Variants in SNX15 observed in about 807,000 individuals in gnomAD.
SNX15 encodes the protein sorting nexin-15.
A neutral mutation model predicts 35.2 loss-of-function variants in SNX15; 29 were observed. The observed-to-expected ratio is 0.82, with a 90% confidence interval of 0.61 to 1.12. The LOEUF (loss-of-function observed/expected upper bound fraction) is 1.12, where lower values mean the gene tolerates loss of function less well. Ranked by LOEUF, SNX15 falls within the 50% of genes most tolerant of loss-of-function variation. The pLI is 0.00. For synonymous variants in SNX15, 189 were observed against 188.2 expected, an observed-to-expected ratio of 1.00 and a Z score of -0.03; for missense variants, 400 against 451.5, an observed-to-expected ratio of 0.89 and a Z score of 1.03.
chr11:65,040,088 A>C lies in SNX15; in HGVS notation c.*296A>C, dbSNP rs1590745125. On this transcript the variant is annotated 3_prime_UTR_variant, in exon 8 of 8. Transcript: ENST00000377244. Reference sequence around the variant, plus strand: ...GGGATCGCGGCTCACTGCAACCTCCACCTCCCAGGTTCAAGCAGTTCTCCT... The same window carrying C: ...GGGATCGCGGCTCACTGCAACCTCCCCCTCCCAGGTTCAAGCAGTTCTCCT... 1.9e-5 allele frequency: 5 copies of C among 266,612 alleles called. No individual in the cohort carries two copies. The highest frequency in any genetic ancestry group is 6.8e-5 in the South Asian group (1 of 14,772). 16.5% of individuals were successfully genotyped at this position (266,612 alleles called of 1,614,324 possible).
intron 6 of SNX15, 157 bp from the exon 7 acceptor site, chr11:65,038,414 GT>G: frequency 1.7e-6 from 2 of 1,184,340 alleles, no homozygotes; most frequent in South Asian, 2.4e-5. Flanking sequence ...CTCATGGCTA[GT>G]TTTTGATCCA....
At chr11:65,032,721 A>G (rs570767590) in intron 3 of SNX15, among the ~76,000 whole-genome samples, 170 bp downstream of exon 3, 6 of 152,320 alleles carry the variant, frequency 3.9e-5, no homozygotes, top group African/African-American at 1.4e-4. Flanking sequence ...TGAGGCTCAG[A>G]GTAGCCTAAC....
intron 1 of SNX15, among the ~76,000 whole-genome samples, chr11:65,029,294 C>A (rs1203240165): frequency 1.3e-5 from 2 of 150,838 alleles, no homozygotes; most frequent in Non-Finnish European, 3.0e-5. Flanking sequence ...GTAGCTGGGA[C>A]TACAGGCACG....
chr11:65,038,658 C>T lies in SNX15; in HGVS notation c.751C>T (p.Pro251Ser), dbSNP rs1481015794. The T allele has an allele frequency of 2.5e-6, 4 of 1,612,552 alleles. No homozygotes were observed. Among genetic ancestry groups the T allele is most frequent in the Admixed American group, 1.7e-5 (1 of 59,802 alleles). ...AAGGCTGGACCAGGAACCCTGGGAG[C>T]CAGGAGGGCAGGAGGAGGAAGAGGA... The part of the protein sequence containing the change: ...SARLDQEPWE[P>S]GGQEEEEDGE... Residue 251 changes from proline (P) to serine (S), a missense_variant, in exon 7 of 8, where the codon CCA becomes TCA. Coordinates refer to ENST00000377244, the MANE Select transcript of SNX15 (RefSeq NM_013306.5).
At position 65,035,041 on chromosome 11, in the gene SNX15, G is replaced by T. The variant is rs1364731517; in HGVS notation, c.373-18G>T. 4 of 1,613,618 alleles carry T rather than the reference G, an allele frequency of 2.5e-6. No homozygotes were observed. Among genetic ancestry groups the T allele is most frequent in the African/African-American group, 1.3e-5 (1 of 74,908 alleles). On this transcript the variant is annotated intron_variant, in intron 4 of 7. Coordinates refer to ENST00000377244, the MANE Select transcript of SNX15 (RefSeq NM_013306.5). ...TTGCACCCCATGACTCCCCATGTCT[G>T]ATCTTTCTGTCCTGCAGGGTGGGGA...
chr11:65,027,525 C>G lies in SNX15; in HGVS notation c.-13C>G, dbSNP rs780883862. 4 of 1,612,252 alleles carry G rather than the reference C, an allele frequency of 2.5e-6. No individual in the cohort carries two copies. The highest frequency in any genetic ancestry group is 3.4e-6 in the Non-Finnish European group (4 of 1,178,732). On this transcript the variant is annotated 5_prime_UTR_variant, in exon 1 of 8. Transcript: ENST00000377244. ...GTGGAGGCCGGCGCTCCGCTCCGCT[C>G]CAGCTCGGTTTCATGTCCCGCCAGG... is the stretch of plus-strand genomic sequence containing the variant.
Position 65,035,548 on chromosome 11 carries a change from G to A in SNX15, c.549G>A (p.Gln183=), listed in dbSNP as rs141090462. Reference sequence around the variant, plus strand: ...ACCCCCCACCATCCAGCCCTGCCCAGGAGGCCCTGGATCTCCTCTTTAACT... The same window carrying A: ...ACCCCCCACCATCCAGCCCTGCCCAAGAGGCCCTGGATCTCCTCTTTAACT... ...PVDPPPSSPA[Q]EALDLLFNCE... is the part of the protein sequence containing the mutation. The change falls in exon 6 of 8, where the codon CAG becomes CAA. Residue 183 remains glutamine (Q), a synonymous_variant. Transcript: ENST00000377244. 184 of 1,613,094 alleles carry A rather than the reference G, an allele frequency of 1.1e-4. No individual in the cohort carries two copies. The African/African-American group carries it at 1.9e-3, about 17-fold the overall frequency.
rs1233424886 is a variant in SNX15 at position 65,038,760 on chromosome 11, G to C, written c.853G>C (p.Ala285Pro). 3.1e-6 allele frequency: 5 copies of C among 1,600,898 alleles called. No individual in the cohort carries two copies. The highest frequency in any genetic ancestry group is 4.3e-6 in the Non-Finnish European group (5 of 1,174,324). ...CACCCAGGCCCTGCGGGATGAGAAGGCAGGCGCTTACGCTGCTGCACTCCA... is the reference window on the plus strand; with the variant it reads ...CACCCAGGCCCTGCGGGATGAGAAGCCAGGCGCTTACGCTGCTGCACTCCA... Reference protein sequence around the residue: ...LITQALRDEKAGAYAAALQGY... With the variant: ...LITQALRDEKPGAYAAALQGY... Residue 285 changes from alanine (A) to proline (P), a missense_variant, in exon 7 of 8, where the codon GCA becomes CCA. Coordinates refer to ENST00000377244, the MANE Select transcript of SNX15 (RefSeq NM_013306.5).
intron 3 of SNX15, among the ~76,000 whole-genome samples, chr11:65,033,379 C>A (rs1455169920): frequency 6.6e-6 from 1 of 151,746 alleles, no homozygotes; most frequent in Non-Finnish European, 1.5e-5. Context: ...CCCGTCCCTA[C>A]TAAAAATACA....
At position 65,034,873 on chromosome 11, in the gene SNX15, G is replaced by A. The variant is rs1590740733; in HGVS notation, c.283G>A (p.Glu95Lys). 3 of 1,614,062 alleles carry A rather than the reference G, an allele frequency of 1.9e-6. No homozygotes were observed. The African/African-American group carries it at 4.0e-5, about 22-fold the overall frequency. Reference protein sequence around the residue: ...FGRFEASVIEERRKGAEDLLR... With the variant: ...FGRFEASVIEKRRKGAEDLLR... ...CCGGTTTGAAGCCTCAGTGATCGAGGAGCGGCGAAAGGGGGCAGAGGACCT... is the reference window on the plus strand; with the variant it reads ...CCGGTTTGAAGCCTCAGTGATCGAGAAGCGGCGAAAGGGGGCAGAGGACCT... The change falls in exon 4 of 8, where the codon GAG (glutamate) becomes AAG (lysine). Residue 95 changes from glutamate (E) to lysine (K), a missense_variant. Physicochemically the swap from Glu to Lys is moderately conservative, Grantham distance 56. Coordinates refer to ENST00000377244, the MANE Select transcript of SNX15 (RefSeq NM_013306.5).
At chr11:65,033,535 C>T (rs1219784460) in intron 3 of SNX15, among the ~76,000 whole-genome samples, 1 of 116,354 alleles carries the variant, frequency 8.6e-6, no homozygotes, top group Non-Finnish European at 1.8e-5. Flanking sequence ...CAGAGTGAGA[C>T]TCCGTCTCAA....
At chr11:65,035,328 G>A in intron 5 of SNX15, 122 bp downstream of exon 5, 3 of 1,268,966 alleles carry the variant, frequency 2.4e-6, no homozygotes. Context: ...TCACTTAACT[G>A]GCTGAGGAAC....
At chr11:65,038,028 C>T (rs1946523760) in intron 6 of SNX15, 1 of 152,864 alleles carries the variant, frequency 6.5e-6, no homozygotes, top group South Asian at 2.1e-4. Flanking sequence ...GATGTCCGAC[C>T]CCCTTTTAGC....
At chr11:65,037,435 T>C (rs372142831) in intron 6 of SNX15, 6 of 151,742 alleles carry the variant, frequency 4.0e-5, no homozygotes, top group African/African-American at 1.2e-4. Context: ...CCCAGGCTGG[T>C]CTCAAGCTCC....
chr11:65,032,018 G>A (rs1040828152), intron 1 of SNX15, 150 bp from the exon 2 acceptor site: 1 of 693,886 alleles, frequency 1.4e-6, no homozygotes, highest in Admixed American at 2.7e-5. Flanking sequence ...ACACGCGAAG[G>A]CTTAAAGCCA....
chr11:65,035,357 C>T, intron 5 of SNX15, 151 bp downstream of exon 5: 2 of 1,252,408 alleles, frequency 1.6e-6, no homozygotes, highest in South Asian at 1.5e-5. Flanking sequence ...GGTCCTTTTC[C>T]TTCTCTGTGC....
intron 2 of SNX15, 52 bp from the exon 3 acceptor site, chr11:65,032,379 G>T: frequency 1.2e-6 from 2 of 1,613,268 alleles, no homozygotes; most frequent in Non-Finnish European, 8.5e-7. Flanking sequence ...AGGCATGGGG[G>T]CGGCTGCCTC....
intron 5 of SNX15, 127 bp from the exon 6 acceptor site, chr11:65,035,393 G>T: frequency 7.7e-7 from 1 of 1,298,558 alleles, no homozygotes; most frequent in Non-Finnish European, 1.1e-6. Flanking sequence ...TGTAAAATGA[G>T]CACAAACCCT....
Position 65,032,524 on chromosome 11 carries a change from C to T in SNX15, c.229C>T (p.Pro77Ser). The change falls in exon 3 of 8, where the codon CCT becomes TCT. Residue 77 changes from proline (P) to serine (S), a missense_variant. Pro to Ser is a moderately conservative substitution (Grantham distance 74, BLOSUM62 -1). Coordinates refer to ENST00000377244, the MANE Select transcript of SNX15 (RefSeq NM_013306.5). ...CCTCTTCCGCCGCCTCGAGGAGTTC[C>T]CTGCTTTCCCCCGGGCCCAGGTGTT... ...RNLFRRLEEF[P>S]AFPRAQVFGR... The T allele has an allele frequency of 1.9e-6, 3 of 1,614,166 alleles. No homozygotes were observed. Among genetic ancestry groups the T allele is most frequent in the Non-Finnish European group, 2.5e-6 (3 of 1,180,034 alleles).
Sources: gnomAD v4.1 joint callset for allele counts (sites outside exome capture counted in the v4.1 genomes callset) on GRCh38, gnomAD v4.1.1 for gene constraint, MANE v1.5 for transcripts, NCBI Gene and HGNC (gene_info 2026-07-23, HGNC 2026-07-21) for gene names.